POLR3B: variants seen among roughly 807,000 people sequenced by gnomAD.
POLR3B encodes DNA-directed RNA polymerase III subunit RPC2.
Under a neutral mutation model 147.4 loss-of-function variants are expected in POLR3B, and 96 were observed. That is an observed-to-expected ratio of 0.65 (90% CI 0.55 to 0.77). POLR3B has a LOEUF of 0.77. Ranked by LOEUF, POLR3B falls within the 30% of genes least tolerant of loss-of-function variation. The pLI is 0.00. For missense variants in POLR3B, 1,036 were observed against 1,413.5 expected, an observed-to-expected ratio of 0.73 and a Z score of 4.28; for synonymous variants, 461 against 485.9, an observed-to-expected ratio of 0.95 and a Z score of 0.67.
At chr12:106,464,661 AT>A (rs2037982916) in intron 23 of POLR3B, among the ~76,000 whole-genome samples, 1 of 152,144 alleles carries the variant, frequency 6.6e-6, no homozygotes, top group African/African-American at 2.4e-5. Context: ...TTTTTTTGAT[AT>A]ATACTTAAGA....
intron 27 of POLR3B, among the ~76,000 whole-genome samples, chr12:106,508,733 T>C (rs936355860): frequency 6.6e-6 from 1 of 152,262 alleles, no homozygotes. Flanking sequence ...TTGCTAGGGT[T>C]AAGTGGGAAC....
At chr12:106,433,121 CT>C (rs2037531833) in intron 15 of POLR3B, among the ~76,000 whole-genome samples, 1 of 152,128 alleles carries the variant, frequency 6.6e-6, no homozygotes, top group Admixed American at 6.6e-5. Context: ...GGCATTAACT[CT>C]TTTTTATATC....
chr12:106,436,965 A>T, intron 16 of POLR3B, 92 bp from the exon 17 acceptor site: 2 of 939,520 alleles, frequency 2.1e-6, no homozygotes, highest in Non-Finnish European at 3.4e-6. Context: ...GTTTGTATTT[A>T]CATCTTCCCT....
In POLR3B at chr12:106,457,279, A is replaced by G; in HGVS notation, c.2435A>G (p.Asp812Gly). 6.2e-7 allele frequency: 1 copy of G among 1,613,660 alleles called. No homozygotes were observed. Among genetic ancestry groups the G allele is most frequent in the Non-Finnish European group, 8.5e-7 (1 of 1,179,596 alleles). Residue 812 changes from aspartate to glycine, a missense_variant, in exon 21 of 28, where the codon GAT (aspartate) becomes GGT (glycine). Asp to Gly is a moderately conservative substitution (Grantham distance 94, BLOSUM62 -1). Transcript: ENST00000228347. Reference sequence around the variant, plus strand: ...TGGCGACATGAAATCTTAGATGCAGATGGTATTTGTTCTCCAGGTAAAAGC... The same window carrying G: ...TGGCGACATGAAATCTTAGATGCAGGTGGTATTTGTTCTCCAGGTAAAAGC... ...PIWRHEILDADGICSPGEKVE... is the reference protein window; with the variant it reads ...PIWRHEILDAGGICSPGEKVE...
intron 11 of POLR3B, among the ~76,000 whole-genome samples, chr12:106,409,754 C>T (rs1343156355): frequency 6.7e-6 from 1 of 149,896 alleles, no homozygotes; most frequent in Non-Finnish European, 1.5e-5. Flanking sequence ...TGGGATTTTA[C>T]TAAATGATTA....
chr12:106,506,777 C>A (rs536981664), intron 27 of POLR3B, among the ~76,000 whole-genome samples: 7 of 152,172 alleles, frequency 4.6e-5, no homozygotes, highest in African/African-American at 1.4e-4. Flanking sequence ...TTGTTGCCAA[C>A]AGAAAAAAAT....
In POLR3B at chr12:106,363,993, C is replaced by T. The variant is rs2036500024; in HGVS notation, c.105+91C>T. 3 of 992,710 alleles carry T rather than the reference C, an allele frequency of 3.0e-6. No homozygotes were observed. In the Admixed American group the frequency reaches 5.8e-5, roughly 19 times the overall value. The allele number at this position is 992,710 out of a possible 1,614,324, so 61.5% of individuals were successfully genotyped here. On this transcript the variant is annotated intron_variant, in intron 2 of 27. Transcript: ENST00000228347. ...TTTTTAAAGATTAAATTTTTGTCAT[C>T]AACATTTTTTGATTTTGTATAGCTG...
chr12:106,506,281 G>A (rs1254979301), intron 27 of POLR3B, among the ~76,000 whole-genome samples: 1 of 152,152 alleles, frequency 6.6e-6, no homozygotes, highest in African/African-American at 2.4e-5. Flanking sequence ...TTTGACACAA[G>A]GATTTTTAAA....
intron 23 of POLR3B, among the ~76,000 whole-genome samples, chr12:106,471,192 C>T (rs2038086022): frequency 6.6e-6 from 1 of 152,212 alleles, no homozygotes; most frequent in African/African-American, 2.4e-5. Flanking sequence ...GCCTCTGCCA[C>T]ACTCCACCAT....
chr12:106,440,197 A>G (rs890680552), intron 18 of POLR3B, among the ~76,000 whole-genome samples: 1 of 152,112 alleles, frequency 6.6e-6, no homozygotes, highest in Non-Finnish European at 1.5e-5. Context: ...TTTTCTCTAT[A>G]TTGACATCAA....
rs2038440185 is a variant in POLR3B, at chr12:106,493,991, GA to G, written c.2714-2057del. ...GCCAAAGCAGTTCCTATAATGGAAG[GA>G]AAAAAATCCGAAAGCTGCTTATGTG... On this transcript the variant is annotated intron_variant, in intron 23 of 27. Coordinates refer to ENST00000228347, the MANE Select transcript of POLR3B (RefSeq NM_018082.6). Among the ~76,000 whole-genome samples the G allele has an allele frequency of 2.6e-5, 4 of 152,106 alleles. No homozygotes were observed. In the South Asian group the frequency reaches 8.3e-4, roughly 32 times the overall value.
chr12:106,446,417 C>A (rs371561173), intron 19 of POLR3B: 4,129 of 157,878 alleles, frequency 0.026, 27 homozygotes, highest in South Asian at 0.072. Context: ...CCTCTCCCCA[C>A]AAAAAAAAAA....
At chr12:106,438,727 T>C (rs988512150) in intron 18 of POLR3B, among the ~76,000 whole-genome samples, 7 of 152,186 alleles carry the variant, frequency 4.6e-5, no homozygotes, top group African/African-American at 1.7e-4. Context: ...AAAGTTGAAC[T>C]AATGAATCAA....
intron 12 of POLR3B, among the ~76,000 whole-genome samples, chr12:106,421,362 T>G (rs2037371354): frequency 6.6e-6 from 1 of 152,218 alleles, no homozygotes; most frequent in South Asian, 2.1e-4. Flanking sequence ...CTGCAGAATG[T>G]CACACTAGTT....
At chr12:106,396,102 G>A (rs985657077) in intron 10 of POLR3B, among the ~76,000 whole-genome samples, 1 of 152,100 alleles carries the variant, frequency 6.6e-6, no homozygotes, top group African/African-American at 2.4e-5. Context: ...TAGCTGTAGC[G>A]GGGGATAGGA....
At chr12:106,475,174 C>T (rs1262664921) in intron 23 of POLR3B, among the ~76,000 whole-genome samples, 4 of 115,116 alleles carry the variant, frequency 3.5e-5, no homozygotes, top group Admixed American at 8.3e-5. Context: ...AGTTGAGCGG[C>T]TTTGAGTGAG....
intron 10 of POLR3B, among the ~76,000 whole-genome samples, chr12:106,395,798 C>T (rs11112967): frequency 0.059 from 8,917 of 151,966 alleles, 355 homozygotes; most frequent in East Asian, 0.14. Flanking sequence ...GGTGAAACCC[C>T]GCCTCTACTA....
chr12:106,388,507 G>A (rs1310052728), intron 9 of POLR3B, among the ~76,000 whole-genome samples: 3 of 152,022 alleles, frequency 2.0e-5, no homozygotes, highest in Non-Finnish European at 2.9e-5. Context: ...TAGTAGAGAC[G>A]GGGTTTCTCC....
At chr12:106,383,542 T>C (rs2036793705) in intron 9 of POLR3B, among the ~76,000 whole-genome samples, 1 of 152,058 alleles carries the variant, frequency 6.6e-6, no homozygotes, top group Non-Finnish European at 1.5e-5. Flanking sequence ...TCTCAAGGAA[T>C]AAGGAGGCTC....
Sources: gnomAD v4.1 joint callset for allele counts (sites outside exome capture counted in the v4.1 genomes callset) on GRCh38, gnomAD v4.1.1 for gene constraint, MANE v1.5 for transcripts, NCBI Gene and HGNC (gene_info 2026-07-23, HGNC 2026-07-21) for gene names.